FAM135B: variants seen among roughly 807,000 people sequenced by gnomAD.
FAM135B encodes the protein protein FAM135B.
A neutral mutation model predicts 127.7 loss-of-function variants in FAM135B; 43 were observed. The ratio of observed to expected loss-of-function variants is 0.34; its 90% CI spans 0.26 to 0.43. The LOEUF (loss-of-function observed/expected upper bound fraction) is 0.43. Ranked by LOEUF, FAM135B falls within the 20% of genes least tolerant of loss-of-function variation. FAM135B has a pLI of 1.00. For missense variants in FAM135B, 1,558 were observed against 1,725.6 expected, an observed-to-expected ratio of 0.90 and a Z score of 1.72; for synonymous variants, 670 against 665.1, an observed-to-expected ratio of 1.01 and a Z score of -0.11.
At chr8:138,273,721 C>T (rs1321882143) in intron 3 of FAM135B, among the ~76,000 whole-genome samples, 8 of 152,174 alleles carry the variant, frequency 5.3e-5, no homozygotes, top group East Asian at 1.9e-4. Flanking sequence ...ATGCCCACCT[C>T]GCCTGTTCTT....
Position 138,232,718 on chromosome 8 carries a change from C to CT in FAM135B, c.669+10223dup, listed in dbSNP as rs541417096. On this transcript the variant is annotated intron_variant, in intron 7 of 19. Coordinates refer to ENST00000395297, the MANE Select transcript of FAM135B (RefSeq NM_015912.4). ...GAAGTACAGTTTTTTAACTATAAAACTTTTTTCTTTAAATAACTTGTGTTT... is the reference window on the plus strand; with the variant it reads ...GAAGTACAGTTTTTTAACTATAAAACTTTTTTTCTTTAAATAACTTGTGTTT... Among the ~76,000 whole-genome samples, 34 of 152,186 alleles carry CT rather than the reference C, an allele frequency of 2.2e-4. No homozygotes were observed. The South Asian group carries it at 5.6e-3, about 25-fold the overall frequency.
At chr8:138,418,715 A>T (rs776654241) in intron 1 of FAM135B, among the ~76,000 whole-genome samples, 1 of 152,180 alleles carries the variant, frequency 6.6e-6, no homozygotes, top group African/African-American at 2.4e-5. Flanking sequence ...TAAATGAAGG[A>T]TAAATAAAAT....
rs6150843 is a variant in FAM135B, at chr8:138,197,075, ATGTGTGTGTGTGTG to A, written c.823+427_823+440del. Reference sequence around the variant, plus strand: ...CCAGCTCAAGCATATATGTATGCATATGTGTGTGTGTGTGTGTGTGTGTGTGTGTGTGTGTGTGT... The same window carrying A: ...CCAGCTCAAGCATATATGTATGCATATGTGTGTGTGTGTGTGTGTGTGTGT... On this transcript the variant is annotated intron_variant, in intron 8 of 19. Transcript: ENST00000395297. Among the ~76,000 whole-genome samples the A allele has an allele frequency of 3.0e-3, 396 of 132,460 alleles. 2 individuals carry two copies. The highest frequency in any genetic ancestry group is 0.01 in the African/African-American group (386 of 36,952). The allele number at this position is 132,460 out of a possible 152,430, so 86.9% of individuals were successfully genotyped here.
Position 138,309,992 on chromosome 8 carries a change from C to T in FAM135B, c.157+849G>A, listed in dbSNP as rs189154238. ...TTAAGTGATTCTCCTGCCTCAGCCT[C>T]CTGGGTACTGAGATTGCAGGCGCCC... On this transcript the variant is annotated intron_variant, in intron 3 of 19. Transcript: ENST00000395297. Among the ~76,000 whole-genome samples, 326 of 151,582 alleles carry T rather than the reference C, an allele frequency of 2.2e-3. 4 individuals are homozygous for T. Among genetic ancestry groups the T allele is most frequent in the Non-Finnish European group, 7.2e-4 (49 of 67,986 alleles).
chr8:138,155,179 CA>C (rs1247044001), intron 12 of FAM135B, among the ~76,000 whole-genome samples: 1 of 152,188 alleles, frequency 6.6e-6, no homozygotes, highest in African/African-American at 2.4e-5. Flanking sequence ...CCCAGAATTT[CA>C]TATCCAGCCA....
intron 4 of FAM135B, among the ~76,000 whole-genome samples, chr8:138,259,896 A>T (rs1284594460): frequency 6.6e-6 from 1 of 152,146 alleles, no homozygotes; most frequent in African/African-American, 2.4e-5. Flanking sequence ...GGTGGGAAAA[A>T]TATTAAAGAT....
intron 5 of FAM135B, among the ~76,000 whole-genome samples, chr8:138,255,727 G>T (rs528778790): frequency 5.3e-5 from 8 of 152,320 alleles, no homozygotes; most frequent in Admixed American, 5.2e-4. Flanking sequence ...CAGGGATGGG[G>T]CTGTGTGACT....
rs148135140 is a variant in FAM135B, at chr8:138,294,222, T to C, written c.157+16619A>G. ...TGGAAAGGTATGCAGTGTGGTATAA[T>C]GGACTTTGGAGAATCAGAAAGAGGA... is the stretch of plus-strand genomic sequence containing the variant. On this transcript the variant is annotated intron_variant, in intron 3 of 19. Transcript: ENST00000395297. Among the ~76,000 whole-genome samples, 1,205 of 152,126 alleles carry C rather than the reference T, an allele frequency of 7.9e-3. 18 individuals are homozygous for C. The highest frequency in any genetic ancestry group is 0.034 in the Middle Eastern group (10 of 294).
chr8:138,352,411 ATAT>A (rs1470575611), intron 2 of FAM135B, among the ~76,000 whole-genome samples: 3 of 152,218 alleles, frequency 2.0e-5, no homozygotes, highest in African/African-American at 7.2e-5. Flanking sequence ...CACCTTGTAA[ATAT>A]TATAAATAAA....
intron 2 of FAM135B, among the ~76,000 whole-genome samples, chr8:138,362,655 C>T (rs867484915): frequency 3.3e-5 from 5 of 152,016 alleles, no homozygotes; most frequent in Admixed American, 3.3e-4. Context: ...GGGGACGTTT[C>T]GAGGATAAAT....
At chr8:138,212,249 C>A (rs1447988189) in intron 7 of FAM135B, among the ~76,000 whole-genome samples, 1 of 152,118 alleles carries the variant, frequency 6.6e-6, no homozygotes, top group Admixed American at 6.5e-5. Context: ...GCAGCCCTCA[C>A]TGCAGGTGTA....
intron 1 of FAM135B, among the ~76,000 whole-genome samples, chr8:138,488,590 G>GA (rs141203493): frequency 6.6e-6 from 1 of 152,242 alleles, no homozygotes; most frequent in East Asian, 1.9e-4. Flanking sequence ...GACACAAAAG[G>GA]AAAAATCCCT....
At chr8:138,472,910 A>T (rs977006513) in intron 1 of FAM135B, among the ~76,000 whole-genome samples, 1 of 152,286 alleles carries the variant, frequency 6.6e-6, no homozygotes, top group Admixed American at 6.5e-5. Flanking sequence ...CCAAGAATGC[A>T]TGTTTTATCA....
chr8:138,350,965 G>A (rs1563925915), intron 2 of FAM135B, among the ~76,000 whole-genome samples: 1 of 151,952 alleles, frequency 6.6e-6, no homozygotes, highest in Non-Finnish European at 1.5e-5. Flanking sequence ...TGTAACCCTA[G>A]GGTGACCAAC....
At position 138,426,145 on chromosome 8, in the gene FAM135B, T is replaced by C. The variant is rs1213554652; in HGVS notation, c.-19-58143A>G. 1.3e-5 allele frequency among the ~76,000 whole-genome samples: 2 copies of C among 149,874 alleles called. 1 individual carries two copies. The highest frequency in any genetic ancestry group is 4.9e-5 in the African/African-American group (2 of 40,778). On this transcript the variant is annotated intron_variant, in intron 1 of 19. Transcript: ENST00000395297. ...GTGTGTGTGTGTGTGTGTGTATATA[T>C]ATATATAATGCTAAGCACAACCAGA...
At chr8:138,211,960 C>G (rs1376437496) in intron 7 of FAM135B, among the ~76,000 whole-genome samples, 1 of 152,016 alleles carries the variant, frequency 6.6e-6, no homozygotes, top group African/African-American at 2.4e-5. Flanking sequence ...CTCAGCTACT[C>G]GGGAGGCTGA....
intron 12 of FAM135B, among the ~76,000 whole-genome samples, chr8:138,167,005 C>T (rs907433435): frequency 3.3e-5 from 5 of 152,000 alleles, no homozygotes; most frequent in South Asian, 4.2e-4. Flanking sequence ...CATCTCAGGG[C>T]GCACTCACAC....
In FAM135B at chr8:138,152,894, C is replaced by A. The variant is rs996900413; in HGVS notation, c.1581G>T (p.Gly527=). The part of the protein sequence containing the change: ...ECWTGQTSDA[G]TYPVADVDTS... ...TATCCACATCTGCCACTGGATATGT[C>A]CCAGCATCAGATGTTTGGCCAGTCC... Residue 527 remains glycine, a synonymous_variant, in exon 13 of 20, where the codon GGG becomes GGT. Transcript: ENST00000395297. 1 of 1,614,062 alleles carries A rather than the reference C, an allele frequency of 6.2e-7. No homozygotes were observed. The highest frequency in any genetic ancestry group is 1.3e-5 in the African/African-American group (1 of 74,928).
chr8:138,344,733 A>G (rs12546084), intron 2 of FAM135B, among the ~76,000 whole-genome samples: 82,318 of 151,614 alleles, frequency 0.54, 23,601 homozygotes, highest in Non-Finnish European at 0.65. Flanking sequence ...CTGCAACCAC[A>G]CCCAGCTAAT....
Sources: allele counts gnomAD v4.1 joint callset (sites outside exome capture counted in the v4.1 genomes callset), GRCh38; gene constraint gnomAD v4.1.1; transcripts MANE v1.5; gene names NCBI Gene and HGNC (gene_info 2026-07-23, HGNC 2026-07-21).